The following SLC38A9 variants were observed in gnomAD, a reference collection of about 807,000 sequenced individuals.
The protein encoded by SLC38A9 is solute carrier family 38 member 9.
SLC38A9 carries 48 observed loss-of-function variants against 62.3 expected under a neutral mutation model. That is an observed-to-expected ratio of 0.77 (90% confidence interval 0.61 to 0.98). The LOEUF (loss-of-function observed/expected upper bound fraction) is 0.98, where lower values mean the gene tolerates loss of function less well. Among genes scored for constraint, SLC38A9 ranks in the 50% least tolerant of loss-of-function variants. The pLI, the probability that SLC38A9 is intolerant of heterozygous loss-of-function variation, is 0.00. For missense variants in SLC38A9, 541 were observed against 679.8 expected, an observed-to-expected ratio of 0.80 and a Z score of 2.27; for synonymous variants, 204 against 227.7, an observed-to-expected ratio of 0.90 and a Z score of 0.94.
chr5:55,655,738 A>G (rs1019986331), intron 9 of SLC38A9, among the ~76,000 whole-genome samples: 2 of 152,184 alleles, frequency 1.3e-5, no homozygotes, highest in South Asian at 4.1e-4. Context: ...TGTTTAATGA[A>G]TCATCCTCTT....
At chr5:55,668,985 T>A (rs1750876546) in intron 7 of SLC38A9, 1 of 262,768 alleles carries the variant, frequency 3.8e-6, no homozygotes, top group African/African-American at 2.2e-5. Context: ...ATGATTCTTA[T>A]GAAGAAACTA....
chr5:55,656,564 T>A (rs561433805), intron 9 of SLC38A9, 151 bp downstream of exon 9: 5 of 592,802 alleles, frequency 8.4e-6, no homozygotes, highest in Non-Finnish European at 1.5e-5. Context: ...CTTTTTTTTT[T>A]AAACACACTA....
At chr5:55,652,902 C>G (rs911873828) in intron 9 of SLC38A9, among the ~76,000 whole-genome samples, 179 bp from the exon 10 acceptor site, 1 of 152,156 alleles carries the variant, frequency 6.6e-6, no homozygotes, top group African/African-American at 2.4e-5. Context: ...AATATTAGGA[C>G]TCTTTCACCT....
chr5:55,680,646 T>G (rs1203782634), intron 3 of SLC38A9, among the ~76,000 whole-genome samples: 3 of 137,040 alleles, frequency 2.2e-5, no homozygotes, highest in Non-Finnish European at 4.8e-5. Context: ...GTCTCAAGTA[T>G]TCCTTACACA....
In SLC38A9 at chr5:55,672,630, T is replaced by C. The variant is rs1460968025; in HGVS notation, c.179A>G (p.His60Arg). 6.2e-7 allele frequency: 1 copy of C among 1,614,170 alleles called. No individual in the cohort carries two copies. The highest frequency in any genetic ancestry group is 1.1e-5 in the South Asian group (1 of 91,086). ...AATTCTCTTGTTCATGGCAGAGGCA[T>C]GGTCACTAACCCTCTGAATGACATG... ...VNHVIQRVSDHASAMNKRIHY... is the reference protein window; with the variant it reads ...VNHVIQRVSDRASAMNKRIHY... Residue 60 changes from histidine (H) to arginine (R), a missense_variant, in exon 4 of 16, where the codon CAT becomes CGT. Physicochemically the swap from His to Arg is conservative, Grantham distance 29. Coordinates refer to ENST00000396865, the MANE Select transcript of SLC38A9 (RefSeq NM_173514.4).
chr5:55,646,150 C>A (rs889321358), intron 11 of SLC38A9, among the ~76,000 whole-genome samples: 107 of 152,132 alleles, frequency 7.0e-4, no homozygotes, highest in African/African-American at 2.5e-3. Context: ...CCAAGGTGGG[C>A]GGATCACCTG....
intron 8 of SLC38A9, among the ~76,000 whole-genome samples, chr5:55,659,052 GAATAA>G (rs1646432406): frequency 1.3e-5 from 2 of 152,030 alleles, no homozygotes; most frequent in East Asian, 3.9e-4. Flanking sequence ...TCGAGATGCA[GAATAA>G]ATACTTGATA....
intron 3 of SLC38A9, among the ~76,000 whole-genome samples, chr5:55,678,566 T>C (rs1244356749): frequency 6.6e-6 from 1 of 151,752 alleles, no homozygotes; most frequent in Non-Finnish European, 1.5e-5. Context: ...AATTGAATGA[T>C]ATTATGGAGG....
intron 14 of SLC38A9, among the ~76,000 whole-genome samples, chr5:55,631,144 A>G (rs1743365016): frequency 6.6e-6 from 1 of 152,174 alleles, no homozygotes; most frequent in Non-Finnish European, 1.5e-5. Context: ...AAAAAAACGA[A>G]AAACAAAAAA....
intron 8 of SLC38A9, among the ~76,000 whole-genome samples, chr5:55,663,888 T>C (rs1750033367): frequency 6.6e-6 from 1 of 152,248 alleles, no homozygotes; most frequent in South Asian, 2.1e-4. Context: ...ACTTTGAAAT[T>C]TGGTTTTCAC....
chr5:55,690,434 A>G (rs1754564228), intron 3 of SLC38A9, among the ~76,000 whole-genome samples: 4 of 152,226 alleles, frequency 2.6e-5, no homozygotes. Flanking sequence ...GTGTGAGAGA[A>G]TGGAAGGGAA....
intron 8 of SLC38A9, 93 bp from the exon 9 acceptor site, chr5:55,656,867 T>TTC (rs1748537842): frequency 1.5e-5 from 9 of 610,566 alleles, no homozygotes; most frequent in Non-Finnish European, 2.3e-5. Context: ...AATCTTTTTT[T>TTC]TTTCTTTCTT....
chr5:55,697,646 A>G (rs1360628053), intron 3 of SLC38A9, among the ~76,000 whole-genome samples, 200 bp downstream of exon 3: 1 of 117,178 alleles, frequency 8.5e-6, no homozygotes, highest in South Asian at 3.5e-4. Context: ...AGAGATGTTG[A>G]GTTTAGTGAA....
chr5:55,632,844 G>A (rs1384799520), intron 14 of SLC38A9, among the ~76,000 whole-genome samples: 1 of 152,138 alleles, frequency 6.6e-6, no homozygotes, highest in African/African-American at 2.4e-5. Flanking sequence ...TCTAGACAGA[G>A]GGGCCTTGCT....
intron 7 of SLC38A9, among the ~76,000 whole-genome samples, chr5:55,667,216 ATAT>A (rs889556371): frequency 4.7e-5 from 5 of 107,178 alleles, no homozygotes; most frequent in African/African-American, 1.5e-4. Context: ...TCTAGTTTTT[ATAT>A]TATTTAGGGT....
chr5:55,657,917 T>A (rs1748745787), intron 8 of SLC38A9: 1 of 152,226 alleles, frequency 6.6e-6, no homozygotes. Context: ...TGTTTATGAT[T>A]TAAGATTGGA....
intron 8 of SLC38A9, among the ~76,000 whole-genome samples, chr5:55,663,169 A>C (rs1749894976): frequency 6.6e-6 from 1 of 151,886 alleles, no homozygotes; most frequent in South Asian, 2.1e-4. Flanking sequence ...TGCTGCGATT[A>C]CAGGCGTGGG....
chr5:55,654,849 A>AT (rs759075288), intron 9 of SLC38A9, among the ~76,000 whole-genome samples: 21 of 149,808 alleles, frequency 1.4e-4, no homozygotes, highest in Admixed American at 4.7e-4. Flanking sequence ...GTTAGCTGTA[A>AT]TTTTTTTTTT....
At chr5:55,683,544 A>G (rs567156010) in intron 3 of SLC38A9, among the ~76,000 whole-genome samples, 1 of 152,322 alleles carries the variant, frequency 6.6e-6, no homozygotes, top group African/African-American at 2.4e-5. Flanking sequence ...ACCTATCAGA[A>G]ATAACCACTG....
Sources: allele counts gnomAD v4.1 joint callset (sites outside exome capture counted in the v4.1 genomes callset), GRCh38; gene constraint gnomAD v4.1.1; transcripts MANE v1.5; gene names NCBI Gene and HGNC (gene_info 2026-07-23, HGNC 2026-07-21).